DNAH10: variants seen among roughly 807,000 people sequenced by gnomAD.
The protein encoded by DNAH10 is axonemal beta dynein heavy chain 10.
In DNAH10, 348 loss-of-function variants were observed where a neutral mutation model predicts 506.6. The ratio of observed to expected loss-of-function variants is 0.69; its 90% CI spans 0.63 to 0.75. The LOEUF (loss-of-function observed/expected upper bound fraction) is 0.75, where lower values mean the gene tolerates loss of function less well. Among genes scored for constraint, DNAH10 ranks in the 30% least tolerant of loss-of-function variants. The pLI is 0.00. For missense variants in DNAH10, 5,179 were observed against 5,787.1 expected (o/e 0.89, Z 3.41); for synonymous variants, 2,059 against 2,198.6 (o/e 0.94, Z 1.78).
chr12:123,857,018 TG>T (rs1951419365), intron 36 of DNAH10, 37 bp from the exon 37 acceptor site: 10 of 1,568,622 alleles, frequency 6.4e-6, no homozygotes, highest in African/African-American at 1.4e-5. Context: ...TGGGTTCCTT[TG>T]GAAATCTCTT....
At position 123,785,583 on chromosome 12, in the gene DNAH10, A is replaced by C. The variant is rs776061074; in HGVS notation, c.1231-163A>C. Among the ~76,000 whole-genome samples, 22 of 151,214 alleles carry C rather than the reference A, an allele frequency of 1.5e-4. No homozygotes were observed. The highest frequency in any genetic ancestry group is 3.1e-4 in the Non-Finnish European group (21 of 67,918). On this transcript the variant is annotated intron_variant, in intron 8 of 78. Coordinates refer to ENST00000673944, the MANE Select transcript of DNAH10 (RefSeq NM_001372106.1). The surrounding 1 kb of genome is among the most constrained non-coding windows in gnomAD (Gnocchi z 4.1). Reference sequence around the variant, plus strand: ...TCCGCAGGGGAGTCGAGGCTGCAGTAAGCCATGTTTGTGCCATTGCACTCC... The same window carrying C: ...TCCGCAGGGGAGTCGAGGCTGCAGTCAGCCATGTTTGTGCCATTGCACTCC...
At chr12:123,763,622 G>A (rs1462408611) in intron 1 of DNAH10, among the ~76,000 whole-genome samples, 1 of 146,950 alleles carries the variant, frequency 6.8e-6, no homozygotes, top group Non-Finnish European at 1.5e-5. Context: ...GGAGTGCAGT[G>A]GTGCGATCTT....
In DNAH10 at chr12:123,788,007, GGGCTGGGCGAA is replaced by G. The variant is rs764477500; in HGVS notation, c.1620+9_1620+19del. On this transcript the variant is annotated splice_donor_region_variant and intron_variant, in intron 10 of 78. Transcript: ENST00000673944. ...GACCTCTCCGACGTTCTGCAGGTAG[GGGCTGGGCGAA>G]GGCCGGCGGAATTTGCCCCGAAGAA... The G allele has an allele frequency of 5.1e-6, 8 of 1,560,200 alleles. No individual in the cohort carries two copies. The highest frequency in any genetic ancestry group is 6.9e-6 in the Non-Finnish European group (8 of 1,151,508).
In DNAH10 at chr12:123,935,557, TG is replaced by T; in HGVS notation, c.*80del. 1.4e-6 allele frequency: 2 copies of T among 1,460,960 alleles called. No individual in the cohort carries two copies. The highest frequency in any genetic ancestry group is 1.9e-6 in the Non-Finnish European group (2 of 1,081,018). The allele number at this position is 1,460,960 out of a possible 1,614,324, so 90.5% of individuals were successfully genotyped here. A position where few individuals can be genotyped will look rare whatever the true frequency, so the allele number is the denominator to read the frequency against. On this transcript the variant is annotated 3_prime_UTR_variant, in exon 79 of 79. Coordinates refer to ENST00000673944, the MANE Select transcript of DNAH10 (RefSeq NM_001372106.1). ...AGTGATCGGGTCTGCTGTCATTTCTTGGGGCCTCTCAAGAGGCAGGAGGGGG... is the reference window on the plus strand; with the variant it reads ...AGTGATCGGGTCTGCTGTCATTTCTTGGGCCTCTCAAGAGGCAGGAGGGGG...
chr12:123,770,823 T>C (rs1957224401), intron 2 of DNAH10, among the ~76,000 whole-genome samples: 1 of 152,112 alleles, frequency 6.6e-6, no homozygotes, highest in Non-Finnish European at 1.5e-5. Context: ...GGGCTCAGAC[T>C]TGGTGTCTGC....
intron 77 of DNAH10, 183 bp from the exon 78 acceptor site, chr12:123,934,438 G>T (rs1284412298): frequency 2.6e-6 from 2 of 767,548 alleles, no homozygotes; most frequent in South Asian, 3.0e-5. Flanking sequence ...TGTCTGGGCT[G>T]CTCCTCCACA....
chr12:123,885,747 G>C (rs1952701321), intron 51 of DNAH10, among the ~76,000 whole-genome samples: 1 of 152,018 alleles, frequency 6.6e-6, no homozygotes, highest in East Asian at 1.9e-4. Context: ...ACATATTCTT[G>C]CCAATACTAG....
chr12:123,852,136 TC>T (rs892487267), intron 35 of DNAH10, among the ~76,000 whole-genome samples: 15 of 152,310 alleles, frequency 9.8e-5, no homozygotes, highest in African/African-American at 3.6e-4. Flanking sequence ...GATCTATTCT[TC>T]AGTCAGTGTA....
intron 52 of DNAH10, 22 bp from the exon 53 acceptor site, chr12:123,893,211 C>T (rs1315684226): frequency 1.9e-6 from 3 of 1,611,202 alleles, no homozygotes; most frequent in East Asian, 2.2e-5. Context: ...AGAGAGATCA[C>T]CAGCATGTCT....
Position 123,918,080 on chromosome 12 carries a change from A to G in DNAH10, c.11232+267A>G, listed in dbSNP as rs1208343375. ...CAAAAGGGAAGTTATCAGCTGAGAAAGCAGAAAAGTTCAGAGATGGCCTCA... is the reference window on the plus strand; with the variant it reads ...CAAAAGGGAAGTTATCAGCTGAGAAGGCAGAAAAGTTCAGAGATGGCCTCA... On this transcript the variant is annotated intron_variant, in intron 64 of 78. Coordinates refer to ENST00000673944, the MANE Select transcript of DNAH10 (RefSeq NM_001372106.1). Among the ~76,000 whole-genome samples the G allele has an allele frequency of 3.9e-5, 6 of 152,308 alleles. No individual in the cohort carries two copies. The South Asian group carries it at 1.0e-3, about 26-fold the overall frequency.
chr12:123,918,690 C>T lies in DNAH10; in HGVS notation c.11247C>T (p.Leu3749=), dbSNP rs191934659. ...CTTTTCTTCAGGTCTCAGAGAAACTCAAGCTGGCGGAGAAGACAGCCTTGG... is the reference window on the plus strand; with the variant it reads ...CTTTTCTTCAGGTCTCAGAGAAACTTAAGCTGGCGGAGAAGACAGCCTTGG... The part of the protein sequence containing the change: ...KSKATEVSEK[L]KLAEKTALDI... Residue 3749 remains leucine, a synonymous_variant, in exon 65 of 79, where the codon CTC becomes CTT. Coordinates refer to ENST00000673944, the MANE Select transcript of DNAH10 (RefSeq NM_001372106.1). 38 of 1,555,294 alleles carry T rather than the reference C, an allele frequency of 2.4e-5. No individual in the cohort carries two copies. The Admixed American group carries it at 3.2e-4, about 13-fold the overall frequency.
chr12:123,810,417 T>G (rs1958886783), intron 19 of DNAH10, among the ~76,000 whole-genome samples: 1 of 152,188 alleles, frequency 6.6e-6, no homozygotes, highest in South Asian at 2.1e-4. Context: ...GCGCGGTGGC[T>G]CACGCCTGTA....
intron 32 of DNAH10, among the ~76,000 whole-genome samples, chr12:123,847,133 T>C (rs573758469): frequency 1.0e-4 from 15 of 150,138 alleles, no homozygotes; most frequent in Non-Finnish European, 2.1e-4. Context: ...CGTGCATCCA[T>C]CCATCTACAT....
intron 2 of DNAH10, among the ~76,000 whole-genome samples, chr12:123,770,971 A>ACTTTTTT (rs1283951087): frequency 2.5e-5 from 3 of 117,884 alleles, no homozygotes; most frequent in African/African-American, 1.0e-4. Flanking sequence ...GCTAGCTGTA[A>ACTTTTTT]TTCTTTTTTT....
rs576747812 is a variant in DNAH10 at position 123,826,648 on chromosome 12, G to A, written c.4180-39G>A. ...TGCTCTCCTTGTTGCATTTCCAAAG[G>A]GGTCTTTGTTGATGGAGCTGTTCCT... is the stretch of plus-strand genomic sequence containing the variant. On this transcript the variant is annotated intron_variant, in intron 24 of 78. Coordinates refer to ENST00000673944, the MANE Select transcript of DNAH10 (RefSeq NM_001372106.1). 5 of 1,576,328 alleles carry A rather than the reference G, an allele frequency of 3.2e-6. No homozygotes were observed. The South Asian group carries it at 4.5e-5, about 14-fold the overall frequency.
At chr12:123,852,714 T>C (rs937766245) in intron 35 of DNAH10, among the ~76,000 whole-genome samples, 1 of 152,068 alleles carries the variant, frequency 6.6e-6, no homozygotes, top group Non-Finnish European at 1.5e-5. Flanking sequence ...GCTGGGATTA[T>C]AGGCATGCGC....
At chr12:123,835,332 G>A in intron 27 of DNAH10, 74 bp from the exon 28 acceptor site, 3 of 1,549,132 alleles carry the variant, frequency 1.9e-6, no homozygotes, top group Non-Finnish European at 2.6e-6. Flanking sequence ...TCTCATGTCA[G>A]GATGGGGCTT....
intron 19 of DNAH10, among the ~76,000 whole-genome samples, chr12:123,809,774 T>A (rs995392394): frequency 6.6e-6 from 1 of 152,230 alleles, no homozygotes; most frequent in Non-Finnish European, 1.5e-5. Flanking sequence ...GTGTGCTCTG[T>A]GAGGCCGCCA....
chr12:123,929,396 C>T lies in DNAH10; in HGVS notation c.12428C>T (p.Ala4143Val), dbSNP rs770984259. The T allele has an allele frequency of 5.6e-6, 9 of 1,613,514 alleles. No individual in the cohort carries two copies. Among genetic ancestry groups the T allele is most frequent in the Non-Finnish European group, 6.8e-6 (8 of 1,179,730 alleles). ...PAFKPLVYVL[A>V]FFHAVVQERR... ...TTCAAGCCGCTGGTCTACGTGCTGGCGTTCTTTCATGCTGTGGTGCAGGAG... is the reference window on the plus strand; with the variant it reads ...TTCAAGCCGCTGGTCTACGTGCTGGTGTTCTTTCATGCTGTGGTGCAGGAG... The change falls in exon 71 of 79, where the codon GCG (alanine) becomes GTG (valine). Residue 4143 changes from alanine (A) to valine (V), a missense_variant. Physicochemically the swap from Ala to Val is moderately conservative, Grantham distance 64. Coordinates refer to ENST00000673944, the MANE Select transcript of DNAH10 (RefSeq NM_001372106.1).
Sources: gnomAD v4.1 joint callset for allele counts (sites outside exome capture counted in the v4.1 genomes callset) on GRCh38, gnomAD v4.1.1 for gene constraint, Gnocchi (gnomAD v3.1) non-coding constraint, MANE v1.5 for transcripts, NCBI Gene and HGNC (gene_info 2026-07-23, HGNC 2026-07-21) for gene names.